The following FILIP1 variants were observed in gnomAD, a reference collection of about 807,000 sequenced individuals.
FILIP1 encodes the protein filamin A interacting protein 1, also known as filamin-A-interacting protein 1.
In FILIP1, 61 loss-of-function variants were observed where a neutral mutation model predicts 102.1. The ratio of observed to expected loss-of-function variants is 0.60; its 90% CI spans 0.49 to 0.74. The LOEUF (loss-of-function observed/expected upper bound fraction) is 0.74. FILIP1 is among the 30% of genes least tolerant of loss of function. The probability of loss-of-function intolerance (pLI) is 0.00; values close to 1 mark genes in which losing one functional copy is unlikely to be tolerated. For synonymous variants in FILIP1, 491 were observed against 526.9 expected (o/e 0.93, Z 0.93); for missense variants, 1,314 against 1,441.2 (o/e 0.91, Z 1.43).
At position 75,456,255 on chromosome 6, in the gene FILIP1, A is replaced by G. The variant is rs147525994; in HGVS notation, c.-7+37159T>C. Among the ~76,000 whole-genome samples, 512 of 152,314 alleles carry G rather than the reference A, an allele frequency of 3.4e-3. 7 individuals are homozygous for G. Among genetic ancestry groups the G allele is most frequent in the African/African-American group, 0.012 (493 of 41,562 alleles). On this transcript the variant is annotated intron_variant, in intron 1 of 5. Coordinates refer to ENST00000237172, the MANE Select transcript of FILIP1 (RefSeq NM_015687.5). ...CAGAGATTCCACTAAACATTTTACC[A>G]TGCATAGGACAGCCCCCCACCCCAA...
intron 1 of FILIP1, among the ~76,000 whole-genome samples, chr6:75,480,370 AC>A (rs1021495964): frequency 2.0e-5 from 3 of 147,430 alleles, no homozygotes; most frequent in Non-Finnish European, 4.5e-5. Flanking sequence ...TGATTCTGAT[AC>A]CACCGCCTAA....
intron 2 of FILIP1, among the ~76,000 whole-genome samples, chr6:75,413,665 TTAAAG>T (rs1196174909): frequency 2.0e-5 from 3 of 152,020 alleles, no homozygotes; most frequent in Admixed American, 6.6e-5. Context: ...CATGCAATTG[TTAAAG>T]TAATTATTTT....
intron 1 of FILIP1, among the ~76,000 whole-genome samples, chr6:75,466,935 C>T (rs548322014): frequency 1.3e-5 from 2 of 152,232 alleles, no homozygotes; most frequent in East Asian, 3.9e-4. Context: ...TGGGGCTTTC[C>T]CTAGGATATC....
chr6:75,345,220 C>T (rs1774536599), intron 4 of FILIP1, among the ~76,000 whole-genome samples: 1 of 152,068 alleles, frequency 6.6e-6, no homozygotes, highest in South Asian at 2.1e-4. Flanking sequence ...TTCTTATAAT[C>T]AGTTTTCTTT....
At chr6:75,296,475 T>TTTTTATTATTA (rs565379089) in intron 6 of FILIP1, 1 of 140,396 alleles carries the variant, frequency 7.1e-6, no homozygotes, top group African/African-American at 2.6e-5. Flanking sequence ...ACTCTATATG[T>TTTTTATTATTA]TTATTATTAT....
At chr6:75,319,267 C>G in intron 4 of FILIP1, 1 of 680,528 alleles carries the variant, frequency 1.5e-6, no homozygotes, top group Admixed American at 1.9e-5. Context: ...AGTATTATTT[C>G]ACACCTGTCC....
At chr6:75,302,823 C>CATTATGATATGAT (rs141657918) in intron 6 of FILIP1, among the ~76,000 whole-genome samples, 80 of 149,100 alleles carry the variant, frequency 5.4e-4, no homozygotes, top group Non-Finnish European at 1.5e-4. Context: ...TATGATATGA[C>CATTATGATATGAT]ATGATATGAT....
chr6:75,401,695 A>G (rs1218995037), intron 2 of FILIP1, among the ~76,000 whole-genome samples: 2 of 152,150 alleles, frequency 1.3e-5, no homozygotes, highest in Non-Finnish European at 2.9e-5. Flanking sequence ...ATTGTACAGC[A>G]CAGGTCTAGA....
chr6:75,490,637 TTGTGTGTGTG>T (rs59493141), intron 1 of FILIP1, among the ~76,000 whole-genome samples: 3 of 147,906 alleles, frequency 2.0e-5, no homozygotes, highest in Non-Finnish European at 4.5e-5. Context: ...TACACAGGAT[TTGTGTGTGTG>T]TGTGTGTGTG....
chr6:75,469,374 T>A (rs761031584), intron 1 of FILIP1, among the ~76,000 whole-genome samples: 3 of 151,968 alleles, frequency 2.0e-5, no homozygotes, highest in Non-Finnish European at 4.4e-5. Flanking sequence ...AATTTATAAT[T>A]TTTACACTAT....
intron 1 of FILIP1, among the ~76,000 whole-genome samples, chr6:75,441,542 T>G (rs1381786212): frequency 2.0e-5 from 3 of 151,774 alleles, no homozygotes; most frequent in Non-Finnish European, 4.4e-5. Context: ...GCTCCTCACT[T>G]CCCAGTAGGG....
chr6:75,395,347 T>C (rs1409959185), intron 2 of FILIP1, among the ~76,000 whole-genome samples: 1 of 152,198 alleles, frequency 6.6e-6, no homozygotes, highest in African/African-American at 2.4e-5. Context: ...TGGCACGATC[T>C]TGGCTCACTG....
intron 4 of FILIP1, among the ~76,000 whole-genome samples, chr6:75,348,942 T>C (rs1380074307): frequency 6.6e-6 from 1 of 152,024 alleles, no homozygotes; most frequent in Admixed American, 6.5e-5. Context: ...TGTCATAGTT[T>C]GGATATAAGA....
intron 3 of FILIP1, among the ~76,000 whole-genome samples, chr6:75,357,988 A>T (rs750121052): frequency 9.2e-5 from 14 of 152,234 alleles, no homozygotes; most frequent in Admixed American, 2.6e-4. Context: ...GACTAGTGAA[A>T]GTAGAATAGG....
chr6:75,339,083 G>T (rs1224329218), intron 4 of FILIP1, among the ~76,000 whole-genome samples: 1 of 152,194 alleles, frequency 6.6e-6, no homozygotes. Flanking sequence ...GATAGTTTCA[G>T]TGTATTGATA....
intron 2 of FILIP1, among the ~76,000 whole-genome samples, chr6:75,381,745 G>C (rs1355360791): frequency 6.6e-6 from 1 of 152,166 alleles, no homozygotes; most frequent in Non-Finnish European, 1.5e-5. Context: ...GGAAAGGACA[G>C]AGTTGAATTT....
Position 75,319,737 on chromosome 6 carries a change from G to T in FILIP1, c.630-4535C>A, listed in dbSNP as rs575324092. ...CCCAGCTACTGCGGAGGCTGAGGCA[G>T]GATAATTGTGTGAACCCGGGGGGCG... On this transcript the variant is annotated intron_variant, in intron 4 of 5. Coordinates refer to ENST00000237172, the MANE Select transcript of FILIP1 (RefSeq NM_015687.5). The T allele has an allele frequency of 9.5e-6, 3 of 315,886 alleles. No individual in the cohort carries two copies. In the South Asian group the frequency reaches 1.1e-4, roughly 11 times the overall value. The allele number at this position is 315,886 out of a possible 1,614,324, so 19.6% of individuals were successfully genotyped here. A position where few individuals can be genotyped will look rare whatever the true frequency, so the allele number is the denominator to read the frequency against.
chr6:75,351,756 T>C (rs2149600146), intron 4 of FILIP1, among the ~76,000 whole-genome samples: 1 of 152,348 alleles, frequency 6.6e-6, no homozygotes, highest in South Asian at 2.1e-4. Flanking sequence ...AATCACCTAA[T>C]GATGGATTTC....
intron 2 of FILIP1, among the ~76,000 whole-genome samples, chr6:75,385,414 T>C (rs371583417): frequency 2.6e-5 from 4 of 152,220 alleles, no homozygotes; most frequent in African/African-American, 4.8e-5. Flanking sequence ...AGCTTGTCAA[T>C]AGCAGCTTAT....
Sources: allele counts gnomAD v4.1 joint callset (sites outside exome capture counted in the v4.1 genomes callset), GRCh38; gene constraint gnomAD v4.1.1; transcripts MANE v1.5; gene names NCBI Gene and HGNC (gene_info 2026-07-23, HGNC 2026-07-21).